LINGO1: variants seen among roughly 807,000 people sequenced by gnomAD.
LINGO1 encodes leucine rich repeat and Ig domain containing 1.
Under a neutral mutation model 37.3 loss-of-function variants are expected in LINGO1, and 11 were observed. That is an observed-to-expected ratio of 0.29 (90% CI 0.19 to 0.49). LINGO1 has a LOEUF of 0.49. Among genes scored for constraint, LINGO1 ranks in the 20% least tolerant of loss-of-function variants. The probability of loss-of-function intolerance (pLI) is 0.99; values close to 1 mark genes in which losing one functional copy is unlikely to be tolerated. For synonymous variants in LINGO1, 387 were observed against 403.0 expected (o/e 0.96, Z 0.48); for missense variants, 585 against 878.2 (o/e 0.67, Z 4.22).
chr15:77,720,166 C>G (rs566833836), intron 2 of LINGO1, among the ~76,000 whole-genome samples: 1 of 136,152 alleles, frequency 7.3e-6, no homozygotes, highest in African/African-American at 2.5e-5. Context: ...ACTCCAATAC[C>G]GATCCTGGCC....
At chr15:77,664,529 G>T (rs1271537264) in intron 3 of LINGO1, among the ~76,000 whole-genome samples, 1 of 152,164 alleles carries the variant, frequency 6.6e-6, no homozygotes, top group East Asian at 1.9e-4. Context: ...TGAGCTCCCG[G>T]TCAGGAGAGC....
upstream of LINGO1, among the ~76,000 whole-genome samples, chr15:77,635,403 G>A (rs536856517): frequency 7.2e-5 from 11 of 152,244 alleles, no homozygotes; most frequent in African/African-American, 2.6e-4. Context: ...AGGAAAAGGG[G>A]GTCTGTCACT....
intron 1 of LINGO1, among the ~76,000 whole-genome samples, chr15:77,773,385 G>C (rs773050886): frequency 6.6e-6 from 1 of 152,216 alleles, no homozygotes; most frequent in African/African-American, 2.4e-5. Context: ...TGACTCACTT[G>C]ACCTTGACAC....
intron 2 of LINGO1, among the ~76,000 whole-genome samples, chr15:77,719,505 G>C (rs1411359966): frequency 6.7e-6 from 1 of 149,856 alleles, no homozygotes; most frequent in East Asian, 2.2e-4. Flanking sequence ...TGAGGACGGG[G>C]AGGTCACGGG....
chr15:77,817,972 A>G, intron 1 of LINGO1, among the ~76,000 whole-genome samples: 1 of 152,220 alleles, frequency 6.6e-6, no homozygotes, highest in East Asian at 1.9e-4. Context: ...CCAGAGACCC[A>G]GGTAGATACT....
chr15:77,645,600 C>T (rs1430866585), intron 3 of LINGO1, among the ~76,000 whole-genome samples: 2 of 152,242 alleles, frequency 1.3e-5, no homozygotes, highest in Non-Finnish European at 2.9e-5. Context: ...CCTCCCATCC[C>T]TAGGCCAGTG....
chr15:77,615,574 C>T lies in LINGO1; in HGVS notation c.333G>A (p.Glu111=), dbSNP rs1323575406. 6.2e-7 allele frequency: 1 copy of T among 1,611,468 alleles called. No individual in the cohort carries two copies. The highest frequency in any genetic ancestry group is 1.3e-5 in the African/African-American group (1 of 74,862). Residue 111 remains glutamate, a synonymous_variant, in exon 2 of 2, where the codon GAG becomes GAA. Coordinates refer to ENST00000355300, the MANE Select transcript of LINGO1 (RefSeq NM_032808.7). Reference sequence around the variant, plus strand: ...TGAAGAGGTTGTTGAAGGCGCCGGGCTCCACGGCGCTCACGATGTTCTCGT... The same window carrying T: ...TGAAGAGGTTGTTGAAGGCGCCGGGTTCCACGGCGCTCACGATGTTCTCGT... ...ELNENIVSAV[E]PGAFNNLFNL... is the part of the protein sequence containing the mutation.
intron 1 of LINGO1, among the ~76,000 whole-genome samples, chr15:77,624,440 C>T (rs1356232945): frequency 1.3e-5 from 2 of 152,144 alleles, no homozygotes; most frequent in Admixed American, 6.5e-5. Context: ...CTCGGCCACC[C>T]TGCACTGAAG....
intron 1 of LINGO1, among the ~76,000 whole-genome samples, chr15:77,817,077 C>T (rs1123552): frequency 3.9e-5 from 6 of 152,034 alleles, no homozygotes; most frequent in African/African-American, 7.2e-5. Context: ...CCGCCCGGGA[C>T]GGGGAAGCCA....
chr15:77,639,377 G>A (rs1375762485), intron 3 of LINGO1, among the ~76,000 whole-genome samples: 1 of 152,036 alleles, frequency 6.6e-6, no homozygotes, highest in Non-Finnish European at 1.5e-5. Context: ...TGTGGCGAGG[G>A]TATTGAGATA....
intron 1 of LINGO1, among the ~76,000 whole-genome samples, chr15:77,736,452 C>A (rs1424340427): frequency 6.6e-6 from 1 of 152,058 alleles, no homozygotes; most frequent in East Asian, 1.9e-4. Flanking sequence ...CTGTGTTGAT[C>A]CTCATTTTGT....
intron 1 of LINGO1, among the ~76,000 whole-genome samples, chr15:77,776,614 A>G (rs1213081374): frequency 4.6e-5 from 7 of 150,996 alleles, no homozygotes; most frequent in African/African-American, 4.9e-5. Flanking sequence ...GGCCCTTTGC[A>G]TATCAGCCAC....
chr15:77,641,429 C>T (rs1314495201), intron 3 of LINGO1, among the ~76,000 whole-genome samples: 2 of 152,208 alleles, frequency 1.3e-5, no homozygotes, highest in African/African-American at 4.8e-5. Context: ...CAGAGGCACC[C>T]AGCTGCATCA....
intron 3 of LINGO1, among the ~76,000 whole-genome samples, chr15:77,645,483 G>A (rs982150389): frequency 2.6e-5 from 4 of 152,252 alleles, no homozygotes; most frequent in Admixed American, 1.3e-4. Context: ...TTAACGTGCT[G>A]AAGGTAGAGC....
chr15:77,672,642 G>A (rs1378199987), intron 3 of LINGO1, among the ~76,000 whole-genome samples: 1 of 152,144 alleles, frequency 6.6e-6, no homozygotes. Context: ...CACCTGTGAG[G>A]CGATGACCCT....
intron 1 of LINGO1, chr15:77,784,531 G>A (rs118035275): frequency 2.6e-5 from 4 of 152,382 alleles, no homozygotes; most frequent in East Asian, 1.9e-4. Flanking sequence ...AATATCCACT[G>A]CGCACTTTTC....
intron 2 of LINGO1, among the ~76,000 whole-genome samples, chr15:77,720,076 C>A (rs2076032548): frequency 6.7e-6 from 1 of 149,956 alleles, no homozygotes; most frequent in Admixed American, 6.7e-5. Context: ...TTGCATCCAC[C>A]TCTTCTAGCA....
chr15:77,809,837 G>A (rs115464848), intron 1 of LINGO1, among the ~76,000 whole-genome samples: 1,924 of 152,258 alleles, frequency 0.013, 35 homozygotes, highest in African/African-American at 0.044. Context: ...CTGTCTCACA[G>A]CTCCCATTGA....
chr15:77,729,069 C>A (rs2141327957), intron 2 of LINGO1, among the ~76,000 whole-genome samples: 1 of 152,348 alleles, frequency 6.6e-6, no homozygotes, highest in African/African-American at 2.4e-5. Context: ...TCCTTCCCTG[C>A]AAGGCTTATG....
Sources: allele counts gnomAD v4.1 joint callset (sites outside exome capture counted in the v4.1 genomes callset), GRCh38; gene constraint gnomAD v4.1.1; transcripts MANE v1.5; gene names NCBI Gene and HGNC (gene_info 2026-07-23, HGNC 2026-07-21).